Variants in YIPF6 observed in about 807,000 individuals in gnomAD.
YIPF6 encodes the protein protein YIPF6.
YIPF6 carries 3 observed loss-of-function variants against 16.8 expected under a neutral mutation model. That is an observed-to-expected ratio of 0.18 (90% CI 0.08 to 0.46). The LOEUF is 0.46. YIPF6 is among the 20% of genes least tolerant of loss of function. The probability of loss-of-function intolerance (pLI) is 0.98; values close to 1 mark genes in which losing one functional copy is unlikely to be tolerated. For synonymous variants in YIPF6, 67 were observed against 61.9 expected, an observed-to-expected ratio of 1.08 and a Z score of -0.38; for missense variants, 145 against 184.9, an observed-to-expected ratio of 0.78 and a Z score of 1.25.
intron 3 of YIPF6, among the ~76,000 whole-genome samples, chrX:68,515,975 T>C (rs2079101017): frequency 9.0e-6 from 1 of 110,941 alleles, no homozygotes; most frequent in Non-Finnish European, 1.9e-5. Context: ...ATACAAAAAT[T>C]AGCTAAGCGT....
chrX:68,526,846 C>T (rs1249612909), intron 6 of YIPF6, among the ~76,000 whole-genome samples: 1 of 111,825 alleles, frequency 8.9e-6, no homozygotes, highest in Non-Finnish European at 1.9e-5. Flanking sequence ...GGTGGGTAAG[C>T]TTTTTGATAT....
intron 6 of YIPF6, among the ~76,000 whole-genome samples, chrX:68,526,072 G>A (rs2079146482): frequency 9.0e-6 from 1 of 111,615 alleles, no homozygotes; most frequent in South Asian, 3.8e-4. Flanking sequence ...AAATTACTTT[G>A]GGCAGTATGG....
chrX:68,505,584 A>G (rs907808326), intron 1 of YIPF6, among the ~76,000 whole-genome samples: 2 of 112,314 alleles, frequency 1.8e-5, no homozygotes, highest in Non-Finnish European at 3.7e-5. Context: ...GTGCGAAAGT[A>G]AAGTTTGATC....
rs1822845244 is a variant in YIPF6 at position 68,532,626 on chromosome X, G to T, written c.*627G>T. The T allele has an allele frequency of 9.4e-6, 1 of 106,934 alleles. No individual in the cohort carries two copies. The highest frequency in any genetic ancestry group is 1.9e-5 in the Non-Finnish European group (1 of 52,410). The allele number at this position is 106,934 out of a possible 1,213,427, so 8.8% of individuals were successfully genotyped here. A position where few individuals can be genotyped will look rare whatever the true frequency, so the allele number is the denominator to read the frequency against. ...AAAAAAAAAAAAAAAAAAGCAAAGG[G>T]CCTCTAAAGAATCAGCCTCTTTGGT... On this transcript the variant is annotated 3_prime_UTR_variant, in exon 7 of 7. Transcript: ENST00000462683.
At chrX:68,509,479 T>C (rs990210202) in intron 1 of YIPF6, among the ~76,000 whole-genome samples, 1 of 111,560 alleles carries the variant, frequency 9.0e-6, no homozygotes, top group African/African-American at 3.3e-5. Context: ...TTGCATCTCA[T>C]GGTGAGTCTC....
intron 3 of YIPF6, chrX:68,515,146 G>A: frequency 9.3e-6 from 1 of 107,885 alleles, no homozygotes; most frequent in South Asian, 4.2e-4. Flanking sequence ...CTAACACGGT[G>A]AAACCCCGTC....
Position 68,513,573 on chromosome X carries a change from G to T in YIPF6, c.265+168G>T, listed in dbSNP as rs189694149. The T allele has an allele frequency of 5.4e-4, 175 of 321,516 alleles. 2 individuals are homozygous for T. In the East Asian group the frequency reaches 7.9e-3, roughly 15 times the overall value. 26.5% of individuals were successfully genotyped at this position (321,516 alleles called of 1,213,427 possible). A position where few individuals can be genotyped will look rare whatever the true frequency, so the allele number is the denominator to read the frequency against. ...AAACTTCTGGCAGAAATTAAAAATT[G>T]ATTTTATTTTATTTTTATTTTCATT... On this transcript the variant is annotated intron_variant, in intron 3 of 6. Coordinates refer to ENST00000462683, the MANE Select transcript of YIPF6 (RefSeq NM_173834.4).
chrX:68,523,576 G>A (rs1156457049), intron 6 of YIPF6, among the ~76,000 whole-genome samples: 2 of 111,939 alleles, frequency 1.8e-5, no homozygotes, highest in Non-Finnish European at 3.8e-5. Flanking sequence ...TAAAGACTAG[G>A]AAGGGCCTAT....
intron 3 of YIPF6, among the ~76,000 whole-genome samples, chrX:68,516,889 G>C (rs1602460548): frequency 9.1e-6 from 1 of 109,664 alleles, no homozygotes; most frequent in Non-Finnish European, 1.9e-5. Context: ...TGCGATCTTG[G>C]CTCACTGCAA....
intron 1 of YIPF6, 94 bp downstream of exon 1, chrX:68,499,217 C>G: frequency 9.5e-7 from 1 of 1,050,869 alleles, no homozygotes; most frequent in Non-Finnish European, 1.3e-6. Flanking sequence ...AGAGCCGGAG[C>G]TCCTTCCGCC....
intron 1 of YIPF6, among the ~76,000 whole-genome samples, chrX:68,503,946 T>C (rs1296724929): frequency 8.9e-6 from 1 of 112,255 alleles, no homozygotes; most frequent in Non-Finnish European, 1.9e-5. Flanking sequence ...CTCGAACTCC[T>C]GACCTCAAGT....
Position 68,499,077 on chromosome X carries a change from C to T in YIPF6, c.11C>T (p.Ala4Val). The change falls in exon 1 of 7, where the codon GCG (alanine) becomes GTG (valine). Residue 4 changes from alanine (A) to valine (V), a missense_variant. Ala to Val is a moderately conservative substitution (Grantham distance 64). Coordinates refer to ENST00000462683, the MANE Select transcript of YIPF6 (RefSeq NM_173834.4). ...AGAAGGAGGGCCAAGATGGCGGAAG[C>T]GGAGGAGTCTCCAGGAGACCCGGGG... MAE[A>V]EESPGDPGTA... is the part of the protein sequence containing the mutation. The T allele has an allele frequency of 8.4e-7, 1 of 1,188,741 alleles. No individual in the cohort carries two copies. Among genetic ancestry groups the T allele is most frequent in the Non-Finnish European group, 1.1e-6 (1 of 883,772 alleles).
rs1254368186 is a variant in YIPF6 at position 68,534,292 on chromosome X, T to C, written c.*2293T>C. On this transcript the variant is annotated 3_prime_UTR_variant, in exon 7 of 7. Transcript: ENST00000462683. ...TATTTATAGCATTCTTTTTTTTTTT[T>C]AGTAGCGGTATTTCCATTTACAAAA... 9.0e-6 allele frequency: 1 copy of C among 111,594 alleles called. No individual in the cohort carries two copies. Among genetic ancestry groups the C allele is most frequent in the East Asian group, 2.8e-4 (1 of 3,583 alleles). 9.2% of individuals were successfully genotyped at this position (111,594 alleles called of 1,213,427 possible). A position where few individuals can be genotyped will look rare whatever the true frequency, so the allele number is the denominator to read the frequency against.
Position 68,512,451 on chromosome X carries a change from C to CAA in YIPF6, c.186+479_186+480dup, listed in dbSNP as rs754382343. Reference sequence around the variant, plus strand: ...TGGGCGACAGAGCAAGACTCCATCTCAAAAAACAAAAAAAAGGTCTTAAAA... The same window carrying CAA: ...TGGGCGACAGAGCAAGACTCCATCTCAAAAAAAACAAAAAAAAGGTCTTAAAA... On this transcript the variant is annotated intron_variant, in intron 2 of 6. Coordinates refer to ENST00000462683, the MANE Select transcript of YIPF6 (RefSeq NM_173834.4). Among the ~76,000 whole-genome samples, 10 of 105,680 alleles carry CAA rather than the reference C, an allele frequency of 9.5e-5. 1 individual carries two copies. The highest frequency in any genetic ancestry group is 3.8e-4 in the African/African-American group (10 of 26,597). 91.8% of individuals were successfully genotyped at this position (105,680 alleles called of 115,157 possible).
rs2079181235 is a variant in YIPF6, at chrX:68,533,878, G to A, written c.*1879G>A. The stretch of plus-strand genomic sequence containing the variant: ...TTCTGCCAAAGTTGTTTCGTAATCT[G>A]TCTCAATGACTATAATGTAAAATTA... On this transcript the variant is annotated 3_prime_UTR_variant, in exon 7 of 7. Coordinates refer to ENST00000462683, the MANE Select transcript of YIPF6 (RefSeq NM_173834.4). 8.9e-6 allele frequency: 1 copy of A among 112,003 alleles called. No individual in the cohort carries two copies. The highest frequency in any genetic ancestry group is 3.2e-5 in the African/African-American group (1 of 30,852). 9.2% of individuals were successfully genotyped at this position (112,003 alleles called of 1,213,427 possible). A position where few individuals can be genotyped will look rare whatever the true frequency, so the allele number is the denominator to read the frequency against.
Position 68,532,179 on chromosome X carries a change from T to TTTGA in YIPF6, c.*181_*184dup. The TTTGA allele has an allele frequency of 2.5e-6, 1 of 395,205 alleles. No homozygotes were observed. The highest frequency in any genetic ancestry group is 4.4e-6 in the Non-Finnish European group (1 of 228,621). 32.6% of individuals were successfully genotyped at this position (395,205 alleles called of 1,213,427 possible). A position where few individuals can be genotyped will look rare whatever the true frequency, so the allele number is the denominator to read the frequency against. ...TCACCCCTTATTTGAGGAACTGATG[T>TTTGA]TTGAAAGGCTGTTCTTTTCTCTCTT... On this transcript the variant is annotated 3_prime_UTR_variant, in exon 7 of 7. Transcript: ENST00000462683.
At chrX:68,522,330 C>G (rs1053044832) in intron 5 of YIPF6, among the ~76,000 whole-genome samples, 2 of 107,036 alleles carry the variant, frequency 1.9e-5, no homozygotes, top group African/African-American at 6.9e-5. Context: ...GATGGAGTCT[C>G]GCTCTGTCCA....
rs779018768 is a variant in YIPF6 at position 68,499,421 on chromosome X, C to T, written c.57+298C>T. ...TTAAATGGCGAACTTTAGGTGATTT[C>T]TTAAGTTATCTTTTCTTCTGCTGTC... On this transcript the variant is annotated intron_variant, in intron 1 of 6. Transcript: ENST00000462683. Among the ~76,000 whole-genome samples, 82 of 112,063 alleles carry T rather than the reference C, an allele frequency of 7.3e-4. 1 individual carries two copies. Among genetic ancestry groups the T allele is most frequent in the African/African-American group, 2.5e-3 (77 of 30,899 alleles).
chrX:68,518,042 A>G (rs111993377), intron 3 of YIPF6, among the ~76,000 whole-genome samples: 13 of 110,255 alleles, frequency 1.2e-4, no homozygotes, highest in Non-Finnish European at 2.3e-4. Context: ...TGGGAGGCCA[A>G]GGTAGGCAGA....
Sources: gnomAD v4.1 joint callset for allele counts (sites outside exome capture counted in the v4.1 genomes callset) on GRCh38, gnomAD v4.1.1 for gene constraint, MANE v1.5 for transcripts, NCBI Gene and HGNC (gene_info 2026-07-23, HGNC 2026-07-21) for gene names.